Variants in RNF144A observed in about 807,000 individuals in gnomAD.
RNF144A encodes the protein E3 ubiquitin-protein ligase RNF144A.
Under a neutral mutation model 38.7 loss-of-function variants are expected in RNF144A, and 11 were observed. That is an observed-to-expected ratio of 0.28 (90% CI 0.18 to 0.47). The LOEUF (loss-of-function observed/expected upper bound fraction) is 0.47, where lower values mean the gene tolerates loss of function less well. Among genes scored for constraint, RNF144A ranks in the 20% least tolerant of loss-of-function variants. The pLI is 0.99. For missense variants in RNF144A, 316 were observed against 377.2 expected (o/e 0.84, Z 1.34); for synonymous variants, 149 against 143.9 (o/e 1.04, Z -0.25).
rs547156744 is a variant in RNF144A at position 7,031,325 on chromosome 2, G to A, written c.747+1110G>A. On this transcript the variant is annotated intron_variant, in intron 8 of 8. Coordinates refer to ENST00000320892, the MANE Select transcript of RNF144A (RefSeq NM_014746.6). Reference sequence around the variant, plus strand: ...GTAGGAGCTGGAGATACAGTGGTGCGTGAGACAGATGTGTCCTTCTACGGA... The same window carrying A: ...GTAGGAGCTGGAGATACAGTGGTGCATGAGACAGATGTGTCCTTCTACGGA... Among the ~76,000 whole-genome samples, 8 of 151,910 alleles carry A rather than the reference G, an allele frequency of 5.3e-5. No homozygotes were observed. In the East Asian group the frequency reaches 1.2e-3, roughly 22 times the overall value.
intron 1 of RNF144A, among the ~76,000 whole-genome samples, chr2:6,921,035 C>A (rs1664507311): frequency 6.6e-6 from 1 of 152,176 alleles, no homozygotes; most frequent in South Asian, 2.1e-4. Flanking sequence ...ATAAATATTA[C>A]AGGACGACTC....
intron 6 of RNF144A, among the ~76,000 whole-genome samples, chr2:7,061,686 G>T: frequency 6.6e-6 from 1 of 152,242 alleles, no homozygotes; most frequent in African/African-American, 2.4e-5. Flanking sequence ...GAATGCTGAG[G>T]CCTAGAACTA....
chr2:7,070,041 A>G (rs1255392430), downstream of RNF144A, among the ~76,000 whole-genome samples: 5 of 152,246 alleles, frequency 3.3e-5, no homozygotes, highest in East Asian at 9.6e-4. Flanking sequence ...AGTGTCTTCC[A>G]ACTATCAGGG....
intron 3 of RNF144A, among the ~76,000 whole-genome samples, chr2:7,006,172 G>A (rs1670430748): frequency 6.6e-6 from 1 of 151,872 alleles, no homozygotes; most frequent in Non-Finnish European, 1.5e-5. Context: ...GCTTGACGAG[G>A]GTCTGGAGTT....
intron 3 of RNF144A, among the ~76,000 whole-genome samples, chr2:7,001,572 G>A (rs1166685321): frequency 2.0e-5 from 3 of 152,110 alleles, no homozygotes; most frequent in East Asian, 1.9e-4. Flanking sequence ...AGCTACTCAG[G>A]AAGCTGAAGC....
chr2:6,991,633 G>A (rs993022042), intron 2 of RNF144A, among the ~76,000 whole-genome samples: 3 of 152,068 alleles, frequency 2.0e-5, no homozygotes, highest in African/African-American at 4.8e-5. Flanking sequence ...TCCGAACCTT[G>A]GTTTACTCAT....
chr2:6,930,559 C>G (rs1665141029), intron 1 of RNF144A, among the ~76,000 whole-genome samples: 1 of 151,882 alleles, frequency 6.6e-6, no homozygotes, highest in African/African-American at 2.4e-5. Context: ...CACACTTTAT[C>G]TATCTGTATA....
chr2:7,020,168 G>T (rs1446782697), intron 5 of RNF144A, among the ~76,000 whole-genome samples: 1 of 152,188 alleles, frequency 6.6e-6, no homozygotes, highest in African/African-American at 2.4e-5. Flanking sequence ...TGAGCTGTGA[G>T]CTGAGTGTCA....
rs923768754 is a variant in RNF144A, at chr2:6,989,049, C to A, written c.-11-7867C>A. 3.9e-4 allele frequency among the ~76,000 whole-genome samples: 59 copies of A among 152,098 alleles called. 1 individual carries two copies. Among genetic ancestry groups the A allele is most frequent in the Non-Finnish European group, 7.4e-5 (5 of 68,016 alleles). On this transcript the variant is annotated intron_variant, in intron 2 of 8. Transcript: ENST00000320892. ...AGAATCAGCTGTTTGTCCAGTGAAC[C>A]CTAGTTTCGGTAACTGGAACATTGT...
chr2:7,024,596 T>G, intron 7 of RNF144A, 80 bp downstream of exon 7: 1 of 1,501,354 alleles, frequency 6.7e-7, no homozygotes, highest in Non-Finnish European at 9.1e-7. Flanking sequence ...GACCAGCTGT[T>G]TCCTAAAGAG....
At chr2:7,037,906 C>CACTGA (rs1672784999) in intron 8 of RNF144A, among the ~76,000 whole-genome samples, 1 of 152,218 alleles carries the variant, frequency 6.6e-6, no homozygotes, top group Non-Finnish European at 1.5e-5. Flanking sequence ...TTACTGGCCA[C>CACTGA]ACTGAACACT....
intron 2 of RNF144A, among the ~76,000 whole-genome samples, chr2:6,990,143 T>C (rs750997035): frequency 1.9e-4 from 29 of 152,154 alleles, no homozygotes; most frequent in Non-Finnish European, 3.5e-4. Flanking sequence ...AAATTTATTT[T>C]CTTGCAGTTC....
intron 2 of RNF144A, among the ~76,000 whole-genome samples, chr2:6,951,409 T>C (rs910103015): frequency 2.0e-5 from 3 of 152,202 alleles, no homozygotes; most frequent in Non-Finnish European, 2.9e-5. Context: ...TTCCCTCTTA[T>C]TTGGTGGTGT....
At chr2:6,933,139 A>G (rs908292550) in intron 1 of RNF144A, 1 of 152,282 alleles carries the variant, frequency 6.6e-6, no homozygotes. Flanking sequence ...ACAGCTAAGA[A>G]AACAATCCTA....
intron 1 of RNF144A, among the ~76,000 whole-genome samples, chr2:6,932,770 G>A (rs749313560): frequency 1.3e-5 from 2 of 152,194 alleles, no homozygotes; most frequent in African/African-American, 4.8e-5. Context: ...CACAATAAGA[G>A]AATTTTAAAC....
At chr2:6,995,182 G>A (rs187221400) in intron 2 of RNF144A, among the ~76,000 whole-genome samples, 26 of 151,916 alleles carry the variant, frequency 1.7e-4, no homozygotes, top group Non-Finnish European at 2.8e-4. Context: ...GGTGTCAGTC[G>A]TAAAACTTGA....
chr2:7,030,063 T>C, intron 7 of RNF144A, 63 bp from the exon 8 acceptor site: 1 of 1,119,372 alleles, frequency 8.9e-7, no homozygotes. Flanking sequence ...TCAATGGCTG[T>C]GATACTCACC....
At chr2:6,938,608 G>C (rs372870293) in intron 1 of RNF144A, among the ~76,000 whole-genome samples, 1 of 152,120 alleles carries the variant, frequency 6.6e-6, no homozygotes, top group Non-Finnish European at 1.5e-5. Flanking sequence ...AAAAGTCATC[G>C]TTTTAAAGTA....
chr2:7,074,190 A>T, the RNF144A span, among the ~76,000 whole-genome samples: 13 of 152,208 alleles, frequency 8.5e-5, no homozygotes, highest in African/African-American at 3.1e-4. Flanking sequence ...AGCTTGTGTC[A>T]CATAAACAAA....
Sources: gnomAD v4.1 joint callset for allele counts (sites outside exome capture counted in the v4.1 genomes callset) on GRCh38, gnomAD v4.1.1 for gene constraint, MANE v1.5 for transcripts, NCBI Gene and HGNC (gene_info 2026-07-23, HGNC 2026-07-21) for gene names.